Variants in UNC13C observed in about 807,000 individuals in gnomAD.
UNC13C encodes the protein protein unc-13 homolog C.
In UNC13C, 174 loss-of-function variants were observed where a neutral mutation model predicts 245.4. The ratio of observed to expected loss-of-function variants is 0.71; its 90% CI spans 0.63 to 0.80. UNC13C has a LOEUF of 0.80. Ranked by LOEUF, UNC13C falls within the 30% of genes least tolerant of loss-of-function variation. The probability of loss-of-function intolerance (pLI) is 0.00; values close to 1 mark genes in which losing one functional copy is unlikely to be tolerated. For synonymous variants in UNC13C, 992 were observed against 895.1 expected (o/e 1.11, Z -1.93); for missense variants, 2,829 against 2,602.9 (o/e 1.09, Z -1.89).
chr15:54,397,597 A>G (rs1367121199), intron 18 of UNC13C, among the ~76,000 whole-genome samples: 1 of 151,480 alleles, frequency 6.6e-6, no homozygotes, highest in Non-Finnish European at 1.5e-5. Flanking sequence ...TATTGCATTA[A>G]ATATATAAAT....
At chr15:54,060,432 C>T (rs1222238880) in intron 2 of UNC13C, among the ~76,000 whole-genome samples, 1 of 152,152 alleles carries the variant, frequency 6.6e-6, no homozygotes, top group Non-Finnish European at 1.5e-5. Context: ...CATCTCACAC[C>T]AGTTAGAATG....
chr15:53,993,219 T>A (rs1894469255), intron 1 of UNC13C, among the ~76,000 whole-genome samples: 1 of 152,118 alleles, frequency 6.6e-6, no homozygotes, highest in Non-Finnish European at 1.5e-5. Flanking sequence ...AGGGAAAAGC[T>A]GAGCTGCAAT....
At chr15:54,383,030 G>A (rs1394663654) in intron 17 of UNC13C, among the ~76,000 whole-genome samples, 1 of 152,078 alleles carries the variant, frequency 6.6e-6, no homozygotes, top group African/African-American at 2.4e-5. Context: ...CCAATAATGA[G>A]GAGCAACATT....
the UNC13C span, among the ~76,000 whole-genome samples, chr15:53,970,052 C>CTTT: frequency 0.022 from 3,177 of 143,562 alleles, 128 homozygotes; most frequent in African/African-American, 0.077. Flanking sequence ...ACAAGTTTTC[C>CTTT]TTTTTTTTTT....
In UNC13C at chr15:54,415,070, A is replaced by G; in HGVS notation, c.4933+3A>G. 1.3e-6 allele frequency: 2 copies of G among 1,585,692 alleles called. No homozygotes were observed. Among genetic ancestry groups the G allele is most frequent in the Non-Finnish European group, 1.7e-6 (2 of 1,158,772 alleles). ...GGATATGAAATATGCATTAGAAGGT[A>G]ATTATAAATATTTATACTTATTCGA... On this transcript the variant is annotated splice_donor_region_variant and intron_variant, in intron 19 of 32. Coordinates refer to ENST00000260323, the MANE Select transcript of UNC13C (RefSeq NM_001080534.3).
the UNC13C span, among the ~76,000 whole-genome samples, chr15:53,957,381 C>A: frequency 2.0e-5 from 3 of 152,168 alleles, no homozygotes; most frequent in Non-Finnish European, 4.4e-5. Flanking sequence ...GATCTGCCCA[C>A]CTTGGCTTCC....
chr15:54,158,872 C>G (rs1195387145), intron 4 of UNC13C, among the ~76,000 whole-genome samples: 2 of 152,070 alleles, frequency 1.3e-5, no homozygotes, highest in Non-Finnish European at 2.9e-5. Flanking sequence ...AGGCTGTTCT[C>G]AAACTCATGA....
chr15:54,018,641 A>G (rs1001772243), intron 2 of UNC13C, among the ~76,000 whole-genome samples: 1 of 152,124 alleles, frequency 6.6e-6, no homozygotes, highest in Admixed American at 6.5e-5. Context: ...TTCCTACACC[A>G]TGATGGTGAC....
At chr15:54,552,536 AT>A (rs1250380118) in intron 28 of UNC13C, among the ~76,000 whole-genome samples, 31 of 85,638 alleles carry the variant, frequency 3.6e-4, no homozygotes, top group African/African-American at 1.3e-3. Context: ...TAATAATATA[AT>A]TATATATTAT....
At chr15:53,985,727 T>C (rs1894110735) in intron 1 of UNC13C, among the ~76,000 whole-genome samples, 1 of 152,030 alleles carries the variant, frequency 6.6e-6, no homozygotes, top group Non-Finnish European at 1.5e-5. Context: ...CCTGATGTCA[T>C]AACCATGTCA....
chr15:53,904,178 C>T, the UNC13C span, among the ~76,000 whole-genome samples: 1 of 152,130 alleles, frequency 6.6e-6, no homozygotes, highest in Non-Finnish European at 1.5e-5. Flanking sequence ...CTGAACCTTC[C>T]TGCTGAGATG....
chr15:53,851,696 C>T, the UNC13C span, among the ~76,000 whole-genome samples: 1 of 152,174 alleles, frequency 6.6e-6, no homozygotes, highest in East Asian at 1.9e-4. Flanking sequence ...ACAGCAAGCC[C>T]TTGCAGGCTT....
chr15:54,588,546 G>T (rs1898605851), intron 30 of UNC13C, among the ~76,000 whole-genome samples: 1 of 151,970 alleles, frequency 6.6e-6, no homozygotes, highest in South Asian at 2.1e-4. Context: ...GTGGTATTTG[G>T]TTACATGAGT....
chr15:54,508,985 A>C (rs943392133), intron 23 of UNC13C, among the ~76,000 whole-genome samples: 1 of 152,174 alleles, frequency 6.6e-6, no homozygotes, highest in African/African-American at 2.4e-5. Context: ...AGATCACCTG[A>C]GGTCAGGAGT....
At chr15:53,873,919 CCTTTCTTCCTTCCTTCCTTCCT>C in the UNC13C span, among the ~76,000 whole-genome samples, 1 of 16,240 alleles carries the variant, frequency 6.2e-5, no homozygotes, top group Non-Finnish European at 1.3e-4. Flanking sequence ...TTCCTTCCTT[CCTTTCTTCCTTCCTTCCTTCCT>C]TCCTTCCTTC....
At chr15:54,602,208 A>T (rs1314474120) in intron 30 of UNC13C, among the ~76,000 whole-genome samples, 1 of 152,210 alleles carries the variant, frequency 6.6e-6, no homozygotes, top group East Asian at 1.9e-4. Flanking sequence ...TGCAGCCTGG[A>T]GGTAGAAGGG....
intron 17 of UNC13C, among the ~76,000 whole-genome samples, chr15:54,344,267 A>G (rs1346168049): frequency 3.9e-5 from 6 of 152,294 alleles, no homozygotes; most frequent in Admixed American, 2.0e-4. Context: ...AATAATAACA[A>G]CAACAATGAT....
chr15:54,080,975 T>C (rs34413587), intron 2 of UNC13C, among the ~76,000 whole-genome samples: 71,264 of 151,866 alleles, frequency 0.47, 18,655 homozygotes, highest in Non-Finnish European at 0.6. Context: ...AACACTGTTT[T>C]GTTGTATCTC....
At chr15:53,936,141 C>A in the UNC13C span, among the ~76,000 whole-genome samples, 1 of 152,196 alleles carries the variant, frequency 6.6e-6, no homozygotes, top group Admixed American at 6.5e-5. Context: ...CTGAGACAGA[C>A]CAAGTTCCTG....
Sources: gnomAD v4.1 joint callset for allele counts (sites outside exome capture counted in the v4.1 genomes callset) on GRCh38, gnomAD v4.1.1 for gene constraint, MANE v1.5 for transcripts, NCBI Gene and HGNC (gene_info 2026-07-23, HGNC 2026-07-21) for gene names.